The following SLC24A2 variants were observed in gnomAD, a reference collection of about 807,000 sequenced individuals.
SLC24A2 encodes solute carrier family 24 member 2, also known as sodium/potassium/calcium exchanger 2.
SLC24A2 carries 36 observed loss-of-function variants against 62.0 expected under a neutral mutation model. The ratio of observed to expected loss-of-function variants is 0.58; its 90% CI spans 0.44 to 0.77. The LOEUF (loss-of-function observed/expected upper bound fraction) is 0.77, where lower values mean the gene tolerates loss of function less well. Ranked by LOEUF, SLC24A2 falls within the 30% of genes least tolerant of loss-of-function variation. SLC24A2 has a pLI of 0.00. For synonymous variants in SLC24A2, 358 were observed against 294.0 expected (o/e 1.22, Z -2.23); for missense variants, 846 against 817.9 (o/e 1.03, Z -0.42).
the SLC24A2 span, among the ~76,000 whole-genome samples, chr9:19,994,193 T>A: frequency 6.6e-6 from 1 of 152,138 alleles, no homozygotes; most frequent in Non-Finnish European, 1.5e-5. Flanking sequence ...ATCTCCTTCG[T>A]CAGGGAAAGA....
chr9:20,252,122 A>C, the SLC24A2 span, among the ~76,000 whole-genome samples: 1,578 of 152,336 alleles, frequency 0.01, 22 homozygotes, highest in African/African-American at 0.035. Flanking sequence ...AGACTACAAG[A>C]CAATGTGTTC....
chr9:19,701,608 T>C (rs1233875971), intron 2 of SLC24A2, among the ~76,000 whole-genome samples: 2 of 152,360 alleles, frequency 1.3e-5, no homozygotes, highest in East Asian at 1.9e-4. Context: ...TGGGCTAAAA[T>C]AAAGACGCAG....
the SLC24A2 span, among the ~76,000 whole-genome samples, chr9:20,146,834 G>A: frequency 6.6e-6 from 1 of 152,068 alleles, no homozygotes; most frequent in Non-Finnish European, 1.5e-5. Context: ...TGGCAGAGTG[G>A]GCATCCATTG....
the SLC24A2 span, among the ~76,000 whole-genome samples, chr9:19,840,564 T>C: frequency 6.6e-6 from 1 of 152,214 alleles, no homozygotes; most frequent in Non-Finnish European, 1.5e-5. Flanking sequence ...ATTCATCAAA[T>C]TGGGATTACA....
At chr9:19,874,042 G>T in the SLC24A2 span, among the ~76,000 whole-genome samples, 1 of 148,830 alleles carries the variant, frequency 6.7e-6, no homozygotes, top group African/African-American at 2.5e-5. Context: ...CTATAAACTC[G>T]TACATATGAT....
chr9:19,941,148 A>G, the SLC24A2 span, among the ~76,000 whole-genome samples: 2 of 152,234 alleles, frequency 1.3e-5, no homozygotes, highest in African/African-American at 4.8e-5. Flanking sequence ...AGAACAGAGT[A>G]TCAGTCCCAT....
chr9:19,676,842 T>C (rs1819575974), intron 2 of SLC24A2, among the ~76,000 whole-genome samples: 2 of 152,212 alleles, frequency 1.3e-5, no homozygotes, highest in Non-Finnish European at 2.9e-5. Context: ...AATTCTTTAT[T>C]AACATTTTTA....
At chr9:19,643,772 C>T (rs1363612144) in intron 2 of SLC24A2, among the ~76,000 whole-genome samples, 2 of 152,194 alleles carry the variant, frequency 1.3e-5, no homozygotes, top group Non-Finnish European at 2.9e-5. Context: ...CAGCAGTTGT[C>T]AACTTTAAAT....
the SLC24A2 span, among the ~76,000 whole-genome samples, chr9:19,812,887 G>A: frequency 6.6e-6 from 1 of 152,148 alleles, no homozygotes; most frequent in Non-Finnish European, 1.5e-5. Context: ...CTCCTAAGGT[G>A]TATCCCTCCA....
rs867302385 is a variant in SLC24A2, at chr9:19,573,295, C to T, written c.1347+56G>A. 2.1e-4 allele frequency: 250 copies of T among 1,209,396 alleles called. No individual in the cohort carries two copies. In the Middle Eastern group the frequency reaches 2.1e-3, roughly 10 times the overall value. 74.9% of individuals were successfully genotyped at this position (1,209,396 alleles called of 1,614,324 possible). A position where few individuals can be genotyped will look rare whatever the true frequency, so the allele number is the denominator to read the frequency against. Reference sequence around the variant, plus strand: ...GGAGAATATAGGGTCTGTGCTGCCACGCTAGGATATCAGTTAAGAACAACA... The same window carrying T: ...GGAGAATATAGGGTCTGTGCTGCCATGCTAGGATATCAGTTAAGAACAACA... On this transcript the variant is annotated intron_variant, in intron 7 of 10. Transcript: ENST00000341998.
At chr9:20,061,990 C>T in the SLC24A2 span, among the ~76,000 whole-genome samples, 12 of 152,156 alleles carry the variant, frequency 7.9e-5, no homozygotes, top group African/African-American at 2.9e-4. Context: ...AATCCCAGTG[C>T]TTTGGGAGGC....
At chr9:19,700,317 C>T (rs1820319000) in intron 2 of SLC24A2, among the ~76,000 whole-genome samples, 1 of 152,198 alleles carries the variant, frequency 6.6e-6, no homozygotes, top group East Asian at 1.9e-4. Flanking sequence ...TAAATGTTAG[C>T]TTTCTTCCTT....
At chr9:19,783,622 A>G (rs989455622) in intron 2 of SLC24A2, among the ~76,000 whole-genome samples, 1 of 152,048 alleles carries the variant, frequency 6.6e-6, no homozygotes, top group East Asian at 1.9e-4. Context: ...CTGGGGGGGA[A>G]AACCTCCCTA....
At chr9:19,718,923 TGGGACACATTTCCC>T (rs1820944563) in intron 2 of SLC24A2, among the ~76,000 whole-genome samples, 1 of 152,192 alleles carries the variant, frequency 6.6e-6, no homozygotes, top group African/African-American at 2.4e-5. Flanking sequence ...TCTGTGAAAG[TGGGACACATTTCCC>T]TTGACACATT....
the SLC24A2 span, among the ~76,000 whole-genome samples, chr9:19,935,475 T>A: frequency 6.6e-6 from 1 of 152,156 alleles, no homozygotes; most frequent in East Asian, 1.9e-4. Flanking sequence ...TAAACTAATG[T>A]CTTGTTTGAG....
chr9:19,960,474 A>G, the SLC24A2 span, among the ~76,000 whole-genome samples: 4 of 152,312 alleles, frequency 2.6e-5, no homozygotes, highest in South Asian at 8.3e-4. Context: ...AGAGAATGGA[A>G]TTTTGATTCC....
chr9:20,304,762 A>G, the SLC24A2 span, among the ~76,000 whole-genome samples: 1 of 152,260 alleles, frequency 6.6e-6, no homozygotes, highest in African/African-American at 2.4e-5. Context: ...TCTATTTTAT[A>G]GAGGAGGAAA....
At chr9:19,643,889 T>G (rs1440531561) in intron 2 of SLC24A2, among the ~76,000 whole-genome samples, 1 of 152,256 alleles carries the variant, frequency 6.6e-6, no homozygotes, top group African/African-American at 2.4e-5. Context: ...ATTTTACATC[T>G]TTGCTTCCTT....
At chr9:19,783,020 C>G (rs1823059910) in intron 2 of SLC24A2, among the ~76,000 whole-genome samples, 1 of 152,170 alleles carries the variant, frequency 6.6e-6, no homozygotes, top group Non-Finnish European at 1.5e-5. Context: ...ATAAGAACCA[C>G]ACACAAGGTA....
Sources: gnomAD v4.1 joint callset for allele counts (sites outside exome capture counted in the v4.1 genomes callset) on GRCh38, gnomAD v4.1.1 for gene constraint, MANE v1.5 for transcripts, NCBI Gene and HGNC (gene_info 2026-07-23, HGNC 2026-07-21) for gene names.